TPD52: variants seen among roughly 807,000 people sequenced by gnomAD.
The protein encoded by TPD52 is tumor protein D52.
In TPD52, 17 loss-of-function variants were observed where a neutral mutation model predicts 31.3. The observed-to-expected ratio is 0.54, with a 90% confidence interval of 0.37 to 0.82. TPD52 has a LOEUF of 0.82. Ranked by LOEUF, TPD52 falls within the 40% of genes least tolerant of loss-of-function variation. TPD52 has a pLI of 0.00. For synonymous variants in TPD52, 83 were observed against 89.6 expected, an observed-to-expected ratio of 0.93 and a Z score of 0.42; for missense variants, 212 against 240.1, an observed-to-expected ratio of 0.88 and a Z score of 0.77.
chr8:80,068,165 G>A (rs1279460802), intron 1 of TPD52, among the ~76,000 whole-genome samples: 1 of 151,900 alleles, frequency 6.6e-6, no homozygotes, highest in Non-Finnish European at 1.5e-5. Context: ...CAGCCACTGT[G>A]AGGGGAAGTC....
At chr8:80,160,429 G>A (rs1811268407) in intron 1 of TPD52, among the ~76,000 whole-genome samples, 1 of 152,184 alleles carries the variant, frequency 6.6e-6, no homozygotes. Context: ...GTTCTCAAAG[G>A]CCATGTGGTA....
intron 1 of TPD52, among the ~76,000 whole-genome samples, chr8:80,126,541 G>A (rs537932760): frequency 6.7e-6 from 1 of 150,224 alleles, no homozygotes. Flanking sequence ...GAGGGCAGTG[G>A]TGCAATTTCG....
At chr8:80,155,346 C>A (rs1056668379) in intron 1 of TPD52, among the ~76,000 whole-genome samples, 1 of 152,010 alleles carries the variant, frequency 6.6e-6, no homozygotes, top group Non-Finnish European at 1.5e-5. Flanking sequence ...AAGAGAACAG[C>A]AAGGAAAGAA....
Position 80,060,076 on chromosome 8 carries a change from C to T in TPD52, c.135+4402G>A, listed in dbSNP as rs1422230645. Among the ~76,000 whole-genome samples the T allele has an allele frequency of 3.5e-5, 5 of 144,700 alleles. No homozygotes were observed. The Admixed American group carries it at 3.5e-4, about 10-fold the overall frequency. The allele number at this position is 144,700 out of a possible 152,430, so 94.9% of individuals were successfully genotyped here. A position where few individuals can be genotyped will look rare whatever the true frequency, so the allele number is the denominator to read the frequency against. ...CAGCCACCTGGGTGACAGAGCAAGA[C>T]TCCATCTCAAAAAAAAAAAAGAAAA... On this transcript the variant is annotated intron_variant, in intron 2 of 7. Transcript: ENST00000518937.
Position 80,156,879 on chromosome 8 carries a change from C to T in TPD52, c.19+14546G>A, listed in dbSNP as rs185439435. On this transcript the variant is annotated intron_variant, in intron 1 of 7. Coordinates refer to ENST00000518937, the MANE Select transcript of TPD52 (RefSeq NM_001025253.3). ...GGGTAGAGTAGAAGAGAATTGGGGT[C>T]GGGTTGAAGAGGAGTGGGGTGGGGT... Among the ~76,000 whole-genome samples the T allele has an allele frequency of 6.5e-4, 97 of 149,166 alleles. 1 individual carries two copies. Among genetic ancestry groups the T allele is most frequent in the Admixed American group, 5.3e-3 (79 of 14,922 alleles).
intron 1 of TPD52, among the ~76,000 whole-genome samples, chr8:80,156,217 G>A (rs1347776561): frequency 6.6e-6 from 1 of 152,170 alleles, no homozygotes; most frequent in Non-Finnish European, 1.5e-5. Context: ...AGCAACTGAG[G>A]TTTCCTGGCA....
chr8:80,143,238 C>T (rs1216192692), intron 1 of TPD52, among the ~76,000 whole-genome samples: 1 of 152,186 alleles, frequency 6.6e-6, no homozygotes, highest in Non-Finnish European at 1.5e-5. Flanking sequence ...AAATCACTCA[C>T]TTCTTTTCCC....
intron 1 of TPD52, among the ~76,000 whole-genome samples, chr8:80,122,646 T>A (rs1586342601): frequency 6.6e-6 from 1 of 152,174 alleles, no homozygotes; most frequent in African/African-American, 2.4e-5. Flanking sequence ...ATCAAACTGA[T>A]GCTGATCTCA....
intron 1 of TPD52, among the ~76,000 whole-genome samples, chr8:80,157,794 T>C (rs1811074559): frequency 6.6e-6 from 1 of 152,250 alleles, no homozygotes; most frequent in Non-Finnish European, 1.5e-5. Flanking sequence ...ATATTTAATA[T>C]GTTCTTATTC....
intron 1 of TPD52, among the ~76,000 whole-genome samples, chr8:80,079,193 TAC>T (rs1244253364): frequency 3.9e-5 from 6 of 152,178 alleles, no homozygotes; most frequent in Non-Finnish European, 8.8e-5. Context: ...GCCCCTTTAT[TAC>T]AGAGGTCTGA....
intron 1 of TPD52, among the ~76,000 whole-genome samples, chr8:80,143,294 T>C (rs1323140989): frequency 6.6e-6 from 1 of 152,150 alleles, no homozygotes; most frequent in Non-Finnish European, 1.5e-5. Flanking sequence ...AATGAGAAGG[T>C]CTAAACCCTA....
chr8:80,123,661 G>A (rs543879774), intron 1 of TPD52, among the ~76,000 whole-genome samples: 4 of 152,306 alleles, frequency 2.6e-5, no homozygotes, highest in African/African-American at 7.2e-5. Flanking sequence ...TGATGCTGGC[G>A]GGAATAACCA....
Position 80,064,571 on chromosome 8 carries a change from G to A in TPD52, c.42C>T (p.Val14=). The stretch of plus-strand genomic sequence containing the variant: ...CAGCAACATCTTCTCCTTCCTCAGG[G>A]ACTGGGTCTGTTCTCAGCAGACCTG... ...GEQGLLRTDP[V]PEEGEDVAAT... is the part of the protein sequence containing the mutation. The change falls in exon 2 of 8, where the codon GTC becomes GTT. Residue 14 remains valine (V), a synonymous_variant. Coordinates refer to ENST00000518937, the MANE Select transcript of TPD52 (RefSeq NM_001025253.3). 1 of 1,614,064 alleles carries A rather than the reference G, an allele frequency of 6.2e-7. No individual in the cohort carries two copies. Among genetic ancestry groups the A allele is most frequent in the South Asian group, 1.1e-5 (1 of 91,064 alleles).
At chr8:80,132,125 G>A (rs1809065285) in intron 1 of TPD52, among the ~76,000 whole-genome samples, 1 of 151,700 alleles carries the variant, frequency 6.6e-6, no homozygotes, top group African/African-American at 2.4e-5. Context: ...AATCTCCTGG[G>A]CTCATGCAAT....
chr8:80,083,193 CAA>C lies in TPD52; in HGVS notation c.20-18602_20-18601del, dbSNP rs11367625. On this transcript the variant is annotated intron_variant, in intron 1 of 7. Transcript: ENST00000518937. ...CAAATTTTATACTTAATATACTGTG[CAA>C]AAAAAAAAACAGGATTTATGAGTCA... 6.1e-3 allele frequency among the ~76,000 whole-genome samples: 901 copies of C among 147,084 alleles called. 4 individuals carry two copies. The highest frequency in any genetic ancestry group is 0.011 in the Non-Finnish European group (707 of 66,090).
intron 1 of TPD52, among the ~76,000 whole-genome samples, chr8:80,075,430 C>T (rs1319884704): frequency 6.6e-6 from 1 of 152,148 alleles, no homozygotes; most frequent in Admixed American, 6.5e-5. Context: ...TGGTCAATGT[C>T]CCCACCCAAG....
At chr8:80,042,883 G>T (rs1810517350) in intron 6 of TPD52, 2 of 434,626 alleles carry the variant, frequency 4.6e-6, no homozygotes, top group Admixed American at 3.8e-5. Context: ...TTGATTCCAT[G>T]AACAGGGCCA....
chr8:80,154,266 G>A (rs1025076002), intron 1 of TPD52, among the ~76,000 whole-genome samples: 1 of 152,238 alleles, frequency 6.6e-6, no homozygotes, highest in African/African-American at 2.4e-5. Flanking sequence ...TCCCCCATGG[G>A]GAGTATCAGG....
chr8:80,128,000 T>TG (rs11374060), intron 1 of TPD52, among the ~76,000 whole-genome samples: 25,310 of 151,868 alleles, frequency 0.17, 3,429 homozygotes, highest in African/African-American at 0.37. Flanking sequence ...TGTTTTGTTT[T>TG]TTTTTTTACA....
Sources: gnomAD v4.1 joint callset for allele counts (sites outside exome capture counted in the v4.1 genomes callset) on GRCh38, gnomAD v4.1.1 for gene constraint, MANE v1.5 for transcripts, NCBI Gene and HGNC (gene_info 2026-07-23, HGNC 2026-07-21) for gene names.